Variants in BRD10 observed in about 807,000 individuals in gnomAD.
The protein encoded by BRD10 is bromodomain containing 10, also known as uncharacterized bromodomain-containing protein 10.
chr9:5,981,888 G>GA, the BRD10 span, among the ~76,000 whole-genome samples: 1 of 152,198 alleles, frequency 6.6e-6, no homozygotes, highest in East Asian at 1.9e-4. Flanking sequence ...AATGGAAACA[G>GA]AAAGTTGTTA....
chr9:5,901,340 G>C, the BRD10 span, among the ~76,000 whole-genome samples: 1 of 152,106 alleles, frequency 6.6e-6, no homozygotes, highest in Non-Finnish European at 1.5e-5. Context: ...GTTAACTGTT[G>C]ATTTTTTGTA....
At chr9:5,920,948 C>T in the BRD10 span, 2 of 1,613,986 alleles carry the variant, frequency 1.2e-6, no homozygotes. Flanking sequence ...ATCATTTCCA[C>T]TGACTAAAAC....
the BRD10 span, among the ~76,000 whole-genome samples, chr9:5,880,095 A>G: frequency 2.0e-5 from 3 of 151,684 alleles, no homozygotes; most frequent in Non-Finnish European, 2.9e-5. Flanking sequence ...AACTTTTTTT[A>G]TTTTTAGTAG....
At chr9:5,970,967 G>A in the BRD10 span, among the ~76,000 whole-genome samples, 102,641 of 149,014 alleles carry the variant, frequency 0.69, 36,875 homozygotes, top group Non-Finnish European at 0.82. Context: ...CAGGAGAATC[G>A]CTTGAATCTG....
At chr9:5,988,687 A>T in the BRD10 span, 120 of 632,742 alleles carry the variant, frequency 1.9e-4, no homozygotes, top group African/African-American at 2.1e-3. Context: ...CTAACTTTTT[A>T]TCCTCCCTAC....
At chr9:5,975,639 C>T in the BRD10 span, among the ~76,000 whole-genome samples, 19 of 151,802 alleles carry the variant, frequency 1.3e-4, no homozygotes, top group East Asian at 3.9e-4. Context: ...AGATTAGACA[C>T]GGCAGAAGAA....
the BRD10 span, chr9:6,007,697 C>G: frequency 6.2e-7 from 1 of 1,609,718 alleles, no homozygotes; most frequent in Non-Finnish European, 8.5e-7. Flanking sequence ...GCTGCCACCT[C>G]CTCCTCGTCG....
chr9:5,988,647 G>T, the BRD10 span: 12 of 797,312 alleles, frequency 1.5e-5, no homozygotes, highest in Non-Finnish European at 2.2e-5. Flanking sequence ...ATACATAAAA[G>T]TATTTAAACC....
chr9:5,941,962 GT>G, the BRD10 span, among the ~76,000 whole-genome samples: 9 of 151,918 alleles, frequency 5.9e-5, no homozygotes, highest in African/African-American at 2.2e-4. Flanking sequence ...TCTATCACAC[GT>G]GTAATTTCTA....
At chr9:5,930,114 A>G in the BRD10 span, among the ~76,000 whole-genome samples, 6 of 143,230 alleles carry the variant, frequency 4.2e-5, no homozygotes, top group African/African-American at 1.6e-4. Flanking sequence ...TTACATAATC[A>G]TGTTGGGTTT....
At chr9:5,937,958 C>A in the BRD10 span, among the ~76,000 whole-genome samples, 1 of 152,058 alleles carries the variant, frequency 6.6e-6, no homozygotes, top group African/African-American at 2.4e-5. Flanking sequence ...TCCCCTTTTT[C>A]ATTATTATTC....
the BRD10 span, among the ~76,000 whole-genome samples, chr9:5,993,335 A>AAT: frequency 6.7e-6 from 1 of 148,508 alleles, no homozygotes; most frequent in African/African-American, 2.5e-5. Context: ...AAAAAAAAAA[A>AAT]ACAACTAAAT....
chr9:5,922,462 A>G, the BRD10 span: 1 of 1,613,998 alleles, frequency 6.2e-7, no homozygotes, highest in Non-Finnish European at 8.5e-7. Context: ...CACTACTTAT[A>G]TTTGATAAAG....
At chr9:5,922,553 G>T in the BRD10 span, 1 of 1,613,950 alleles carries the variant, frequency 6.2e-7, no homozygotes, top group Non-Finnish European at 8.5e-7. Flanking sequence ...TGATGCTAAA[G>T]AAGAATTTAT....
At chr9:5,931,833 C>A in the BRD10 span, among the ~76,000 whole-genome samples, 3 of 152,100 alleles carry the variant, frequency 2.0e-5, no homozygotes, top group Non-Finnish European at 4.4e-5. Flanking sequence ...GAATGTGAGT[C>A]AAGTTTTTAT....
the BRD10 span, among the ~76,000 whole-genome samples, chr9:6,000,135 T>A: frequency 2.6e-4 from 40 of 152,274 alleles, no homozygotes; most frequent in African/African-American, 9.4e-4. Context: ...CAATAACAAC[T>A]ACTAACATTT....
At chr9:5,979,923 G>A in the BRD10 span, among the ~76,000 whole-genome samples, 1 of 150,666 alleles carries the variant, frequency 6.6e-6, no homozygotes, top group Non-Finnish European at 1.5e-5. Flanking sequence ...GCTGAGGTGG[G>A]AGAATCACTT....
chr9:5,979,726 A>C, the BRD10 span, among the ~76,000 whole-genome samples: 1 of 152,074 alleles, frequency 6.6e-6, no homozygotes, highest in East Asian at 1.9e-4. Context: ...TCTTTTAAGT[A>C]TCTAAAATAG....
chr9:5,885,490 C>T, the BRD10 span, among the ~76,000 whole-genome samples: 1 of 152,118 alleles, frequency 6.6e-6, no homozygotes, highest in South Asian at 2.1e-4. Flanking sequence ...CCTACCTCAG[C>T]CTCCTGAGTA....
Sources: gnomAD v4.1 joint callset for allele counts (sites outside exome capture counted in the v4.1 genomes callset) on GRCh38, gnomAD v4.1.1 for gene constraint, MANE v1.5 for transcripts, NCBI Gene and HGNC (gene_info 2026-07-23, HGNC 2026-07-21) for gene names.